ASPRV1: variants seen among roughly 807,000 people sequenced by gnomAD.
The protein encoded by ASPRV1 is retroviral-like aspartic protease 1.
In ASPRV1, 7 loss-of-function variants were observed where a neutral mutation model predicts 11.0. That is an observed-to-expected ratio of 0.64 (90% CI 0.36 to 1.20). ASPRV1 has a LOEUF of 1.20. Ranked by LOEUF, ASPRV1 falls within the 50% of genes most tolerant of loss-of-function variation. The pLI is 0.02. For missense variants in ASPRV1, 299 were observed against 320.0 expected (o/e 0.93, Z 0.50); for synonymous variants, 136 against 138.4 (o/e 0.98, Z 0.12).
chr2:69,961,723 C>G, upstream of ASPRV1: 15 of 1,516,770 alleles, frequency 9.9e-6, no homozygotes, highest in Non-Finnish European at 1.2e-5. Flanking sequence ...CCCTCCTCAC[C>G]CCGCCCTCCT....
chr2:70,067,725 T>C, the ASPRV1 span, among the ~76,000 whole-genome samples: 3 of 152,084 alleles, frequency 2.0e-5, no homozygotes, highest in Admixed American at 6.5e-5. Flanking sequence ...CATGTGTAAA[T>C]AAACACACAG....
the ASPRV1 span, among the ~76,000 whole-genome samples, chr2:69,944,944 G>A: frequency 0.068 from 10,392 of 152,002 alleles, 1,187 homozygotes; most frequent in African/African-American, 0.24. Context: ...AGTATTTACC[G>A]TACATGACTT....
the ASPRV1 span, among the ~76,000 whole-genome samples, chr2:70,033,831 CA>C: frequency 1.3e-5 from 2 of 152,170 alleles, no homozygotes; most frequent in Non-Finnish European, 2.9e-5. Context: ...CACTCACTGG[CA>C]GTCTTCTGAC....
At chr2:70,026,647 A>C in the ASPRV1 span, among the ~76,000 whole-genome samples, 14 of 152,122 alleles carry the variant, frequency 9.2e-5, no homozygotes, top group Non-Finnish European at 1.8e-4. Flanking sequence ...AATTTAACCA[A>C]AGTAAAAGAT....
At chr2:69,947,377 T>C in the ASPRV1 span, among the ~76,000 whole-genome samples, 1 of 152,180 alleles carries the variant, frequency 6.6e-6, no homozygotes, top group South Asian at 2.1e-4. Context: ...AACAGGTGTG[T>C]TTACCTCAGG....
At chr2:69,999,354 G>C in the ASPRV1 span, among the ~76,000 whole-genome samples, 2 of 151,842 alleles carry the variant, frequency 1.3e-5, no homozygotes, top group East Asian at 3.9e-4. Flanking sequence ...ATTCTGCAGC[G>C]GAAGTATTCC....
At chr2:70,014,796 CAAAAAAAAAAAAAAAA>C in the ASPRV1 span, among the ~76,000 whole-genome samples, 1 of 74,024 alleles carries the variant, frequency 1.4e-5, no homozygotes, top group African/African-American at 4.6e-5. Flanking sequence ...GACCTTGTCT[CAAAAAAAAAAAAAAAA>C]AAAAAAGAAA....
the ASPRV1 span, among the ~76,000 whole-genome samples, chr2:70,053,547 G>A: frequency 6.6e-6 from 1 of 152,132 alleles, no homozygotes; most frequent in African/African-American, 2.4e-5. Context: ...TTCCTACTAT[G>A]TACTACTGAA....
the ASPRV1 span, among the ~76,000 whole-genome samples, chr2:70,042,473 G>A: frequency 1.3e-5 from 2 of 152,228 alleles, no homozygotes; most frequent in Admixed American, 1.3e-4. Flanking sequence ...CAGGGCTTTA[G>A]TCCTGGACAG....
chr2:69,950,069 G>A, the ASPRV1 span, among the ~76,000 whole-genome samples: 1 of 152,164 alleles, frequency 6.6e-6, no homozygotes, highest in African/African-American at 2.4e-5. Context: ...ACCTGCCTCA[G>A]CCTCCCAAAG....
At chr2:70,050,432 T>G in the ASPRV1 span, among the ~76,000 whole-genome samples, 1 of 152,196 alleles carries the variant, frequency 6.6e-6, no homozygotes, top group East Asian at 1.9e-4. Context: ...TAACTATTTT[T>G]ATAATTTTGA....
the ASPRV1 span, among the ~76,000 whole-genome samples, chr2:69,985,046 C>T: frequency 2.6e-5 from 4 of 152,012 alleles, no homozygotes; most frequent in East Asian, 1.9e-4. Context: ...TTAGTAGAGA[C>T]GGGGTTTCAC....
the ASPRV1 span, among the ~76,000 whole-genome samples, chr2:70,069,796 T>C: frequency 6.6e-6 from 1 of 152,154 alleles, no homozygotes; most frequent in Non-Finnish European, 1.5e-5. Context: ...TTGAGGTTCA[T>C]CTGTAACTAG....
chr2:70,064,330 C>A, the ASPRV1 span, among the ~76,000 whole-genome samples: 3 of 152,148 alleles, frequency 2.0e-5, no homozygotes, highest in Non-Finnish European at 2.9e-5. Flanking sequence ...CCTCAAAGGT[C>A]CTTCTAGCCA....
the ASPRV1 span, among the ~76,000 whole-genome samples, chr2:70,010,442 G>T: frequency 6.6e-6 from 1 of 152,114 alleles, no homozygotes; most frequent in African/African-American, 2.4e-5. Context: ...ATGTGCAAAG[G>T]CCTGGAGCTG....
the ASPRV1 span, among the ~76,000 whole-genome samples, chr2:69,944,637 G>A: frequency 1.2e-4 from 19 of 152,250 alleles, no homozygotes; most frequent in Middle Eastern, 3.4e-3. Context: ...TTCCATATAC[G>A]GCATCTTTTC....
chr2:69,951,534 T>C, the ASPRV1 span, among the ~76,000 whole-genome samples: 2 of 147,192 alleles, frequency 1.4e-5, no homozygotes, highest in South Asian at 4.3e-4. Context: ...CACACTCATA[T>C]CATATATATA....
the ASPRV1 span, among the ~76,000 whole-genome samples, chr2:70,026,151 T>C: frequency 6.6e-6 from 1 of 152,184 alleles, no homozygotes; most frequent in African/African-American, 2.4e-5. Flanking sequence ...AAACCTTGTC[T>C]CTACTAAAAA....
chr2:69,968,183 A>G, the ASPRV1 span, among the ~76,000 whole-genome samples: 2 of 152,276 alleles, frequency 1.3e-5, no homozygotes, highest in African/African-American at 4.8e-5. Flanking sequence ...GAAATCTAAA[A>G]CTACTCTAAA....
Sources: allele counts gnomAD v4.1 joint callset (sites outside exome capture counted in the v4.1 genomes callset), GRCh38; gene constraint gnomAD v4.1.1; transcripts MANE v1.5; gene names NCBI Gene and HGNC (gene_info 2026-07-23, HGNC 2026-07-21).